CHD6: variants seen among roughly 807,000 people sequenced by gnomAD.
CHD6 encodes the protein ATP-dependent chromatin remodeler CHD6.
CHD6 carries 50 observed loss-of-function variants against 276.9 expected under a neutral mutation model. The observed-to-expected ratio is 0.18, with a 90% CI of 0.14 to 0.23. CHD6 has a LOEUF of 0.23. Ranked by LOEUF, CHD6 falls within the 10% of genes least tolerant of loss-of-function variation. CHD6 has a pLI of 1.00. For missense variants in CHD6, 2,564 were observed against 3,365.8 expected (o/e 0.76, Z 5.89); for synonymous variants, 1,173 against 1,229.3 (o/e 0.95, Z 0.96).
At chr20:41,522,725 A>G (rs2044434448) in intron 3 of CHD6, among the ~76,000 whole-genome samples, 4 of 152,074 alleles carry the variant, frequency 2.6e-5, no homozygotes, top group Admixed American at 2.6e-4. Context: ...ATACATATAT[A>G]CACTTTAAAA....
chr20:41,590,586 G>T (rs28789378), intron 1 of CHD6, among the ~76,000 whole-genome samples: 53,393 of 151,696 alleles, frequency 0.35, 12,131 homozygotes, highest in African/African-American at 0.63. Context: ...AGACATTTAT[G>T]CAGCCAAAAG....
At chr20:41,587,722 A>C (rs2045610398) in intron 1 of CHD6, among the ~76,000 whole-genome samples, 1 of 152,224 alleles carries the variant, frequency 6.6e-6, no homozygotes, top group South Asian at 2.1e-4. Flanking sequence ...CCTCCTATTA[A>C]TAACGCAGTG....
intron 3 of CHD6, among the ~76,000 whole-genome samples, chr20:41,524,552 A>G (rs1252806366): frequency 6.6e-6 from 1 of 152,214 alleles, no homozygotes; most frequent in East Asian, 1.9e-4. Flanking sequence ...GAAAGTATAG[A>G]AGAGTTTCAA....
intron 1 of CHD6, among the ~76,000 whole-genome samples, chr20:41,553,839 C>T (rs569972818): frequency 6.6e-5 from 10 of 152,176 alleles, no homozygotes; most frequent in Non-Finnish European, 1.5e-4. Context: ...TTCTGCCCAA[C>T]AAAATGAAAT....
intron 16 of CHD6, among the ~76,000 whole-genome samples, chr20:41,474,610 C>A (rs1458811892): frequency 6.6e-6 from 1 of 152,110 alleles, no homozygotes; most frequent in East Asian, 1.9e-4. Flanking sequence ...TGAATCCTGG[C>A]AAAATCCTAT....
intron 25 of CHD6, among the ~76,000 whole-genome samples, chr20:41,444,353 C>T (rs2047997470): frequency 6.6e-6 from 1 of 152,212 alleles, no homozygotes; most frequent in Non-Finnish European, 1.5e-5. Flanking sequence ...TGCTCAGTTA[C>T]ATTAGTCACA....
At chr20:41,443,076 T>G (rs1209946719) in intron 25 of CHD6, among the ~76,000 whole-genome samples, 1 of 152,212 alleles carries the variant, frequency 6.6e-6, no homozygotes, top group Admixed American at 6.5e-5. Context: ...CCTCTGCCCC[T>G]CAGCTGTAAC....
chr20:41,614,165 G>T (rs772683088), intron 1 of CHD6, among the ~76,000 whole-genome samples: 45 of 151,896 alleles, frequency 3.0e-4, no homozygotes, highest in Non-Finnish European at 5.6e-4. Flanking sequence ...TCAATAAAGG[G>T]GTAAAAAAAT....
At chr20:41,476,174 GTC>G (rs1388118234) in intron 16 of CHD6, among the ~76,000 whole-genome samples, 1 of 152,090 alleles carries the variant, frequency 6.6e-6, no homozygotes, top group Non-Finnish European at 1.5e-5. Flanking sequence ...GGGCTAATAA[GTC>G]TGAATGAAGA....
chr20:41,460,182 G>A (rs2048500089), intron 17 of CHD6, among the ~76,000 whole-genome samples: 1 of 152,194 alleles, frequency 6.6e-6, no homozygotes, highest in African/African-American at 2.4e-5. Context: ...AAGCAGCAAA[G>A]CATTCAAGGG....
intron 2 of CHD6, among the ~76,000 whole-genome samples, chr20:41,541,646 A>T (rs969725250): frequency 6.6e-6 from 1 of 152,232 alleles, no homozygotes; most frequent in Non-Finnish European, 1.5e-5. Context: ...GAAAAAATGT[A>T]AGACTGAAAG....
chr20:41,465,708 A>T (rs1443664899), intron 17 of CHD6, among the ~76,000 whole-genome samples: 1 of 152,242 alleles, frequency 6.6e-6, no homozygotes, highest in Non-Finnish European at 1.5e-5. Context: ...GTCAACATTA[A>T]GGGAAGCTGG....
In CHD6 at chr20:41,533,443, T is replaced by C. The variant is rs1161430470; in HGVS notation, c.161A>G (p.His54Arg). 1.2e-6 allele frequency: 2 copies of C among 1,614,106 alleles called. No homozygotes were observed. The highest frequency in any genetic ancestry group is 1.7e-6 in the Non-Finnish European group (2 of 1,180,046). The change falls in exon 3 of 37, where the codon CAC (histidine) becomes CGC (arginine). Residue 54 changes from histidine to arginine, a missense_variant. His to Arg is a conservative substitution (Grantham distance 29, BLOSUM62 0). Coordinates refer to ENST00000373233, the MANE Select transcript of CHD6 (RefSeq NM_032221.5). ...ATACAGGTCCTTCTGAGGCAGACAG[T>C]GACTAGCAACATCTTCAATTTTCTC... ...QEEKIEDVAS[H>R]CLPQKDLYTA... is the part of the protein sequence containing the mutation.
At chr20:41,613,396 T>C (rs1004534063) in intron 1 of CHD6, among the ~76,000 whole-genome samples, 2 of 152,230 alleles carry the variant, frequency 1.3e-5, no homozygotes, top group African/African-American at 4.8e-5. Flanking sequence ...CAGAGGCAGA[T>C]GTGTGAAAAA....
chr20:41,574,201 T>A (rs1419944493), intron 1 of CHD6, among the ~76,000 whole-genome samples: 3 of 152,108 alleles, frequency 2.0e-5, no homozygotes, highest in South Asian at 2.1e-4. Context: ...AGGCAAACCA[T>A]CTAAAATGTA....
chr20:41,485,111 T>C (rs1002147123), intron 14 of CHD6, among the ~76,000 whole-genome samples: 1 of 152,212 alleles, frequency 6.6e-6, no homozygotes, highest in Non-Finnish European at 1.5e-5. Context: ...TGTAGCAGTA[T>C]GTAAAGAACT....
At chr20:41,487,078 C>A (rs1219912028) in intron 14 of CHD6, among the ~76,000 whole-genome samples, 1 of 152,136 alleles carries the variant, frequency 6.6e-6, no homozygotes, top group African/African-American at 2.4e-5. Context: ...ATTCTATAAT[C>A]CCTAGTAGAG....
At chr20:41,612,730 A>T (rs537104198) in intron 1 of CHD6, among the ~76,000 whole-genome samples, 1 of 152,356 alleles carries the variant, frequency 6.6e-6, no homozygotes, top group African/African-American at 2.4e-5. Context: ...CCCAAAGTAG[A>T]TAGAGTCCAG....
intron 23 of CHD6, among the ~76,000 whole-genome samples, chr20:41,448,775 C>A (rs1427422321): frequency 6.6e-6 from 1 of 152,102 alleles, no homozygotes; most frequent in East Asian, 1.9e-4. Flanking sequence ...GTAGAAAGTG[C>A]CACTGTGGGC....
Sources: allele counts gnomAD v4.1 joint callset (sites outside exome capture counted in the v4.1 genomes callset), GRCh38; gene constraint gnomAD v4.1.1; transcripts MANE v1.5; gene names NCBI Gene and HGNC (gene_info 2026-07-23, HGNC 2026-07-21).